CHADL: variants seen among roughly 807,000 people sequenced by gnomAD.
CHADL encodes chondroadherin like.
In CHADL, 48 loss-of-function variants were observed where a neutral mutation model predicts 52.1. The ratio of observed to expected loss-of-function variants is 0.92; its 90% confidence interval spans 0.73 to 1.17. The LOEUF (loss-of-function observed/expected upper bound fraction) is 1.17. Among genes scored for constraint, CHADL ranks in the 50% most tolerant of loss-of-function variants. CHADL has a pLI of 0.00. For missense variants in CHADL, 977 were observed against 1,035.1 expected (o/e 0.94, Z 0.77); for synonymous variants, 498 against 511.2 (o/e 0.97, Z 0.35).
At position 41,236,908 on chromosome 22, in the gene CHADL, T is replaced by C. The variant is rs181285062; in HGVS notation, c.1897-258A>G. Among the ~76,000 whole-genome samples, 227 of 152,290 alleles carry C rather than the reference T, an allele frequency of 1.5e-3. 1 individual carries two copies. The highest frequency in any genetic ancestry group is 5.1e-3 in the African/African-American group (213 of 41,550). ...CAAAACCTCTTGGGGGCTCTCAATA[T>C]GTACAAACAGTAGATGACTGCATGG... On this transcript the variant is annotated intron_variant, in intron 3 of 5. Coordinates refer to ENST00000216241, the MANE Select transcript of CHADL (RefSeq NM_138481.2).
rs2032850372 is a variant in CHADL, at chr22:41,240,861, C to T, written c.8+13G>A. 2 of 1,550,968 alleles carry T rather than the reference C, an allele frequency of 1.3e-6. No homozygotes were observed. The highest frequency in any genetic ancestry group is 8.7e-7 in the Non-Finnish European group (1 of 1,146,870). ...CTGAATCCCCCCTTGCACCATCGGG[C>T]CCAAAGACTCACCCCTCCATGCCGC... On this transcript the variant is annotated intron_variant, in intron 1 of 5. Transcript: ENST00000216241.
chr22:41,234,065 T>A (rs2032687858), intron 5 of CHADL, among the ~76,000 whole-genome samples: 1 of 152,058 alleles, frequency 6.6e-6, no homozygotes, highest in Non-Finnish European at 1.5e-5. Flanking sequence ...GTCCAACCTA[T>A]GGCTAGTAGG....
intron 1 of CHADL, 103 bp downstream of exon 1, chr22:41,240,771 C>T (rs943590966): frequency 1.4e-6 from 2 of 1,405,870 alleles, no homozygotes; most frequent in Admixed American, 4.1e-5. Flanking sequence ...TCCCCAGAGC[C>T]CCTGCCCGCC....
chr22:41,240,811 A>G, intron 1 of CHADL, 63 bp downstream of exon 1: 1 of 1,544,014 alleles, frequency 6.5e-7, no homozygotes, highest in Non-Finnish European at 8.8e-7. Context: ...GGGGGCAGAG[A>G]CTTACCTGAG....
At chr22:41,236,420 G>A in intron 4 of CHADL, 64 bp downstream of exon 4, 1 of 1,431,798 alleles carries the variant, frequency 7.0e-7, no homozygotes, top group African/African-American at 1.4e-5. Flanking sequence ...CTGGGGAGAT[G>A]ACAGGGGCTT....
chr22:41,239,317 G>A, intron 2 of CHADL, 126 bp downstream of exon 2: 4 of 780,216 alleles, frequency 5.1e-6, no homozygotes, highest in Admixed American at 2.9e-5. Flanking sequence ...GGCTCAAAGA[G>A]AAGTAATTTG....
In CHADL at chr22:41,238,586, C is replaced by G; in HGVS notation, c.486G>C (p.Thr162=). Residue 162 remains threonine, a synonymous_variant, in exon 3 of 6, where the codon ACG becomes ACC. Transcript: ENST00000216241. The surrounding 1 kb of genome is among the most constrained non-coding windows in gnomAD (Gnocchi z 4.9). Reference sequence around the variant, plus strand: ...CCAGGGCGTTGTGGGCCAGGTTTAGCGTGGCCAGCGCACCCAGTGCCCCGA... The same window carrying G: ...CCAGGGCGTTGTGGGCCAGGTTTAGGGTGGCCAGCGCACCCAGTGCCCCGA... ...GTFGALGALA[T]LNLAHNALVY... is the part of the protein sequence containing the mutation. 1 of 1,545,656 alleles carries G rather than the reference C, an allele frequency of 6.5e-7. No individual in the cohort carries two copies. The highest frequency in any genetic ancestry group is 8.7e-7 in the Non-Finnish European group (1 of 1,146,500).
chr22:41,237,779 G>A lies in CHADL; in HGVS notation c.1293C>T (p.Asp431=). ...RGFPSDTQLL[D]LRRNHFPSVP... is the part of the protein sequence containing the mutation. ...CCGAGGGGAAGTGGTTCCGCCTCAG[G>A]TCCAGGAGCTGGGTGTCGCTGGGGA... Residue 431 remains aspartate, a synonymous_variant, in exon 3 of 6, where the codon GAC becomes GAT. Coordinates refer to ENST00000216241, the MANE Select transcript of CHADL (RefSeq NM_138481.2). The A allele has an allele frequency of 2.6e-6, 4 of 1,529,244 alleles. No homozygotes were observed. Among genetic ancestry groups the A allele is most frequent in the Non-Finnish European group, 3.5e-6 (4 of 1,138,080 alleles). 94.7% of individuals were successfully genotyped at this position (1,529,244 alleles called of 1,614,324 possible).
In CHADL at chr22:41,238,704, C is replaced by T; in HGVS notation, c.368G>A (p.Arg123His). Residue 123 changes from arginine to histidine, a missense_variant, in exon 3 of 6, where the codon CGT becomes CAT. Physicochemically the swap from Arg to His is conservative, Grantham distance 29 (BLOSUM62 0). Transcript: ENST00000216241. The surrounding 1 kb of genome is among the most constrained non-coding windows in gnomAD (Gnocchi z 4.9). ...LLLNLASNHL[R>H]ELPQEALDGL... The stretch of plus-strand genomic sequence containing the variant: ...GTCCAGCGCCTCCTGGGGCAGCTCA[C>T]GCAGGTGGTTGGAGGCCAGGTTGAG... The T allele has an allele frequency of 6.5e-7, 1 of 1,547,494 alleles. No homozygotes were observed. Among genetic ancestry groups the T allele is most frequent in the Non-Finnish European group, 8.7e-7 (1 of 1,146,262 alleles).
At chr22:41,239,962 G>T (rs745960953) in intron 1 of CHADL, among the ~76,000 whole-genome samples, 115 of 152,262 alleles carry the variant, frequency 7.6e-4, no homozygotes, top group Non-Finnish European at 1.5e-3. Flanking sequence ...TCTGGTCCAG[G>T]GTAGGCTCGG....
chr22:41,237,156 G>T lies in CHADL; in HGVS notation c.1896+20C>A. On this transcript the variant is annotated intron_variant, in intron 3 of 5. Coordinates refer to ENST00000216241, the MANE Select transcript of CHADL (RefSeq NM_138481.2). ...TTGTGCCGCCTCCTGCACCAACCCC[G>T]CCAGATGCCCAGTGCCCACCTGCTC... 2.0e-6 allele frequency: 3 copies of T among 1,521,950 alleles called. No individual in the cohort carries two copies. The highest frequency in any genetic ancestry group is 2.7e-6 in the Non-Finnish European group (3 of 1,129,518). The allele number at this position is 1,521,950 out of a possible 1,614,324, so 94.3% of individuals were successfully genotyped here. A position where few individuals can be genotyped will look rare whatever the true frequency, so the allele number is the denominator to read the frequency against.
chr22:41,234,363 A>ACAT (rs1260035724), intron 5 of CHADL, among the ~76,000 whole-genome samples: 1 of 92,242 alleles, frequency 1.1e-5, no homozygotes, highest in African/African-American at 4.5e-5. Flanking sequence ...GGGAGGATGG[A>ACAT]CATTATTATT....
intron 5 of CHADL, chr22:41,230,095 G>A (rs780457691): frequency 5.6e-6 from 1 of 177,966 alleles, no homozygotes; most frequent in Admixed American, 1.1e-4. Context: ...ACCCCTCCCA[G>A]AGTTATTTAC....
In CHADL at chr22:41,237,224, C is replaced by T. The variant is rs1370882738; in HGVS notation, c.1848G>A (p.Val616=). The T allele has an allele frequency of 6.5e-7, 1 of 1,549,758 alleles. No individual in the cohort carries two copies. Among genetic ancestry groups the T allele is most frequent in the Non-Finnish European group, 8.7e-7 (1 of 1,146,532 alleles). The change falls in exon 3 of 6, where the codon GTG becomes GTA. Residue 616 remains valine (V), a synonymous_variant. Transcript: ENST00000216241. ...RALRDGAFQP[V]GRSLQHLFLN... The stretch of plus-strand genomic sequence containing the variant: ...GGAAGAGGTGCTGCAGCGACCTGCC[C>T]ACAGGCTGGAAGGCTCCGTCACGCA...
In CHADL at chr22:41,238,874, C is replaced by T; in HGVS notation, c.198G>A (p.Arg66=). The part of the protein sequence containing the change: ...VPDAIPELTQ[R]LDLQGNLLKV... ...TCAGCAAATTGCCCTGCAGGTCCAGCCGCTGGGTCAGCTGGGGACAGCGAG... is the reference window on the plus strand; with the variant it reads ...TCAGCAAATTGCCCTGCAGGTCCAGTCGCTGGGTCAGCTGGGGACAGCGAG... The change falls in exon 3 of 6, where the codon CGG becomes CGA. Residue 66 remains arginine, a synonymous_variant. Coordinates refer to ENST00000216241, the MANE Select transcript of CHADL (RefSeq NM_138481.2). This position sits in a 1 kb window ranked among gnomAD's most constrained non-coding sequence, Gnocchi z 4.9. The T allele has an allele frequency of 6.5e-7, 1 of 1,536,402 alleles. No homozygotes were observed. The highest frequency in any genetic ancestry group is 8.8e-7 in the Non-Finnish European group (1 of 1,136,464).
chr22:41,238,486 C>T lies in CHADL; in HGVS notation c.586G>A (p.Val196Met). 6.5e-7 allele frequency: 1 copy of T among 1,535,862 alleles called. No homozygotes were observed. ...WLRLSHNALS[V>M]LAPEALAGLP... ...CCAGCCAGGGCCTCGGGGGCCAGCA[C>T]GCTGAGCGCGTTGTGCGACAGCCGC... The change falls in exon 3 of 6, where the codon GTG becomes ATG. Residue 196 changes from valine to methionine, a missense_variant. Transcript: ENST00000216241. This position sits in a 1 kb window ranked among gnomAD's most constrained non-coding sequence, Gnocchi z 4.9.
intron 4 of CHADL, 118 bp downstream of exon 4, chr22:41,236,366 G>T (rs988100058): frequency 1.5e-5 from 13 of 892,678 alleles, no homozygotes; most frequent in Non-Finnish European, 1.9e-5. Flanking sequence ...CACAGGACCC[G>T]CCCCTCCCCA....
At chr22:41,239,839 G>A (rs1367809461) in intron 1 of CHADL, among the ~76,000 whole-genome samples, 3 of 152,174 alleles carry the variant, frequency 2.0e-5, no homozygotes, top group Admixed American at 2.0e-4. Flanking sequence ...GGAAACCGAG[G>A]CTCAGAAAAG....
Position 41,237,788 on chromosome 22 carries a change from C to A in CHADL, c.1284G>T (p.Gln428His). 6.8e-7 allele frequency: 1 copy of A among 1,460,498 alleles called. No homozygotes were observed. Among genetic ancestry groups the A allele is most frequent in the South Asian group, 1.3e-5 (1 of 79,648 alleles). 90.5% of individuals were successfully genotyped at this position (1,460,498 alleles called of 1,614,324 possible). Residue 428 changes from glutamine (Q) to histidine (H), a missense_variant, in exon 3 of 6, where the codon CAG becomes CAT. Gln to His is a conservative substitution (Grantham distance 24). Coordinates refer to ENST00000216241, the MANE Select transcript of CHADL (RefSeq NM_138481.2). ...AVPRGFPSDT[Q>H]LLDLRRNHFP... ...AGTGGTTCCGCCTCAGGTCCAGGAG[C>A]TGGGTGTCGCTGGGGAAGCCGCGGG...
Sources: gnomAD v4.1 joint callset for allele counts (sites outside exome capture counted in the v4.1 genomes callset) on GRCh38, gnomAD v4.1.1 for gene constraint, Gnocchi (gnomAD v3.1) non-coding constraint, MANE v1.5 for transcripts, NCBI Gene and HGNC (gene_info 2026-07-23, HGNC 2026-07-21) for gene names.